The following UHMK1 variants were observed in gnomAD, a reference collection of about 807,000 sequenced individuals.
UHMK1 encodes U2AF homology motif kinase 1.
In UHMK1, 18 loss-of-function variants were observed where a neutral mutation model predicts 44.0. The observed-to-expected ratio is 0.41, with a 90% CI of 0.28 to 0.61. The LOEUF is 0.61. Ranked by LOEUF, UHMK1 falls within the 20% of genes least tolerant of loss-of-function variation. The pLI, the probability that UHMK1 is intolerant of heterozygous loss-of-function variation, is 0.31. For synonymous variants in UHMK1, 231 were observed against 198.5 expected, an observed-to-expected ratio of 1.16 and a Z score of -1.38; for missense variants, 463 against 522.5, an observed-to-expected ratio of 0.89 and a Z score of 1.11.
rs912689232 is a variant in UHMK1 at position 162,526,198 on chromosome 1, T to C, written c.*3648T>C. On this transcript the variant is annotated 3_prime_UTR_variant, in exon 8 of 8. Coordinates refer to ENST00000489294, the MANE Select transcript of UHMK1 (RefSeq NM_175866.5). Reference sequence around the variant, plus strand: ...AGATAACTAACATTTGGGTATCTTTTTGTTTTAGGTCTTATTTTCTGACTG... The same window carrying C: ...AGATAACTAACATTTGGGTATCTTTCTGTTTTAGGTCTTATTTTCTGACTG... 6.6e-6 allele frequency: 1 copy of C among 152,196 alleles called. No homozygotes were observed. The allele number at this position is 152,196 out of a possible 1,614,324, so 9.4% of individuals were successfully genotyped here.
intron 6 of UHMK1, among the ~76,000 whole-genome samples, chr1:162,517,879 A>G (rs1445989582): frequency 6.6e-6 from 1 of 152,152 alleles, no homozygotes; most frequent in Non-Finnish European, 1.5e-5. Context: ...TGTCTAAAAA[A>G]AAAAAGAAAA....
chr1:162,512,479 G>A (rs771930482), intron 4 of UHMK1, 21 bp from the exon 5 acceptor site: 33 of 1,582,020 alleles, frequency 2.1e-5, no homozygotes, highest in Non-Finnish European at 2.7e-5. Flanking sequence ...AAATGATAAG[G>A]CACCTATTTT....
intron 3 of UHMK1, 65 bp downstream of exon 3, chr1:162,501,169 T>C (rs141407293): frequency 6.9e-7 from 1 of 1,454,642 alleles, no homozygotes; most frequent in East Asian, 2.4e-5. Context: ...CAATTTATGA[T>C]GATTTTTTTT....
chr1:162,518,020 TC>T, intron 6 of UHMK1, 81 bp from the exon 7 acceptor site: 1 of 927,770 alleles, frequency 1.1e-6, no homozygotes, highest in Non-Finnish European at 1.7e-6. Context: ...ATTCCTGAAT[TC>T]TTTGATGATT....
Position 162,523,230 on chromosome 1 carries a change from G to A in UHMK1, c.*680G>A. 1 of 152,738 alleles carries A rather than the reference G, an allele frequency of 6.5e-6. No individual in the cohort carries two copies. The highest frequency in any genetic ancestry group is 1.9e-4 in the East Asian group (1 of 5,186). 9.5% of individuals were successfully genotyped at this position (152,738 alleles called of 1,614,324 possible). A position where few individuals can be genotyped will look rare whatever the true frequency, so the allele number is the denominator to read the frequency against. ...CTTGAGTGAATGTGCGAGTATGAAT[G>A]ATTAGAGAAAATTTGAGTCAGTGTA... On this transcript the variant is annotated 3_prime_UTR_variant, in exon 8 of 8. Transcript: ENST00000489294.
chr1:162,521,060 AATCT>A (rs1304793393), intron 7 of UHMK1, among the ~76,000 whole-genome samples: 1 of 152,188 alleles, frequency 6.6e-6, no homozygotes, highest in Non-Finnish European at 1.5e-5. Flanking sequence ...TCACAGATTT[AATCT>A]ATCTAGGCTT....
intron 7 of UHMK1, among the ~76,000 whole-genome samples, chr1:162,519,126 G>A (rs914479274): frequency 8.6e-5 from 13 of 151,404 alleles, no homozygotes; most frequent in African/African-American, 3.2e-4. Context: ...AGACCAGCCC[G>A]GCCAACGTGG....
At position 162,522,670 on chromosome 1, in the gene UHMK1, T is replaced by C; in HGVS notation, c.*120T>C. ...GGTACTTTATACATTTATTTAATCC[T>C]ACTAATGTGCAGCCATTGCCCAAGC... On this transcript the variant is annotated 3_prime_UTR_variant, in exon 8 of 8. Coordinates refer to ENST00000489294, the MANE Select transcript of UHMK1 (RefSeq NM_175866.5). The C allele has an allele frequency of 8.6e-7, 1 of 1,165,876 alleles. No homozygotes were observed. The highest frequency in any genetic ancestry group is 2.8e-5 in the Admixed American group (1 of 35,938). 72.2% of individuals were successfully genotyped at this position (1,165,876 alleles called of 1,614,324 possible).
intron 7 of UHMK1, among the ~76,000 whole-genome samples, chr1:162,519,939 C>A (rs913480217): frequency 1.3e-5 from 2 of 152,156 alleles, no homozygotes; most frequent in Non-Finnish European, 2.9e-5. Flanking sequence ...CACTCTGTTT[C>A]CCAGGCTAGA....
chr1:162,518,551 A>G (rs1343803907), intron 7 of UHMK1, among the ~76,000 whole-genome samples: 1 of 151,906 alleles, frequency 6.6e-6, no homozygotes, highest in African/African-American at 2.4e-5. Flanking sequence ...GCGTGGTGGC[A>G]CATGCCTGTA....
chr1:162,502,628 G>A (rs1385305733), intron 3 of UHMK1, among the ~76,000 whole-genome samples: 3 of 152,168 alleles, frequency 2.0e-5, no homozygotes, highest in East Asian at 3.9e-4. Flanking sequence ...AATTTAGAGG[G>A]GTGATGTGTA....
At position 162,503,803 on chromosome 1, in the gene UHMK1, T is replaced by G; in HGVS notation, c.803T>G (p.Val268Gly). ...IDHIFASKAV[V>G]NAAIPAYHLR... ...CACATATTTGCCAGTAAAGCAGTGGTGAATGCCGCAATTCCAGCCTATCAC... is the reference window on the plus strand; with the variant it reads ...CACATATTTGCCAGTAAAGCAGTGGGGAATGCCGCAATTCCAGCCTATCAC... Residue 268 changes from valine (V) to glycine (G), a missense_variant, in exon 4 of 8, where the codon GTG becomes GGG. By Grantham distance (109) the Val-to-Gly change is moderately radical. This residue lies in a region of UHMK1 where 264 missense variants were observed against 326.3 expected (regional missense o/e 0.81). Transcript: ENST00000489294. 1.2e-6 allele frequency: 2 copies of G among 1,614,150 alleles called. No individual in the cohort carries two copies. The highest frequency in any genetic ancestry group is 8.5e-7 in the Non-Finnish European group (1 of 1,180,016).
At chr1:162,518,292 G>T in intron 7 of UHMK1, 102 bp downstream of exon 7, 2 of 756,874 alleles carry the variant, frequency 2.6e-6, no homozygotes, top group Non-Finnish European at 4.3e-6. Context: ...ATTTTGCTAA[G>T]GATTATGAGT....
intron 1 of UHMK1, among the ~76,000 whole-genome samples, chr1:162,498,858 G>T (rs1651161613): frequency 6.6e-6 from 1 of 152,124 alleles, no homozygotes; most frequent in Non-Finnish European, 1.5e-5. Context: ...CTGTGAAAAG[G>T]TTTCATTTTC....
In UHMK1 at chr1:162,498,025, G is replaced by C. The variant is rs1557937841; in HGVS notation, c.25G>C (p.Gly9Arg). The C allele has an allele frequency of 6.3e-7, 1 of 1,595,686 alleles. No individual in the cohort carries two copies. Residue 9 changes from glycine to arginine, a missense_variant, in exon 1 of 8, where the codon GGC becomes CGC. By Grantham distance (125) the Gly-to-Arg change is moderately radical. Around this residue, in one of 3 missense-constraint regions of UHMK1, gnomAD observed 191 missense variants for 176.0 expected, o/e 1.09. Transcript: ENST00000489294. ...GATGGCGGGATCCGGCTGCGCCTGG[G>C]GCGCGGAGCCGCCGCGTTTTCTGGA... The part of the protein sequence containing the change: MAGSGCAW[G>R]AEPPRFLEAF...
Position 162,518,184 on chromosome 1 carries a change from A to C in UHMK1, c.1107A>C (p.Arg369Ser), listed in dbSNP as rs1367883155. The change falls in exon 7 of 8, where the codon AGA (arginine) becomes AGC (serine). Residue 369 changes from arginine to serine, a missense_variant. Arg to Ser is a moderately radical substitution (Grantham distance 110, BLOSUM62 -1). This residue lies in a region of UHMK1 where 264 missense variants were observed against 326.3 expected (regional missense o/e 0.81). Transcript: ENST00000489294. ...TTGTTCCAAAGGAAAATCCTGGCAG[A>C]GGACAAGTAAGTGAATATTTTCATA... Reference protein sequence around the residue: ...SLLVPKENPGRGQVFVEYANA... With the variant: ...SLLVPKENPGSGQVFVEYANA... 6.2e-7 allele frequency: 1 copy of C among 1,606,394 alleles called. No homozygotes were observed. Among genetic ancestry groups the C allele is most frequent in the Non-Finnish European group, 8.5e-7 (1 of 1,173,254 alleles).
chr1:162,503,932 A>G (rs1022622385), intron 4 of UHMK1, 84 bp downstream of exon 4: 5 of 1,019,392 alleles, frequency 4.9e-6, no homozygotes, highest in African/African-American at 3.3e-5. Flanking sequence ...ACAGATTTAT[A>G]TTATTATTTC....
rs1248709509 is a variant in UHMK1, at chr1:162,500,022, A to G, written c.336A>G (p.Glu112=). ...PNVPSRCLLL[E]LLDVSVSELL... is the part of the protein sequence containing the mutation. ...TGCCATCACGCTGTCTGTTGCTTGA[A>G]CTCCTGGATGTCAGTGTTTCGGAAT... Residue 112 remains glutamate (E), a synonymous_variant, in exon 2 of 8, where the codon GAA becomes GAG. Coordinates refer to ENST00000489294, the MANE Select transcript of UHMK1 (RefSeq NM_175866.5). The G allele has an allele frequency of 1.9e-6, 3 of 1,613,214 alleles. No individual in the cohort carries two copies. Among genetic ancestry groups the G allele is most frequent in the Admixed American group, 1.7e-5 (1 of 59,916 alleles).
Position 162,524,741 on chromosome 1 carries a change from TTTGA to T in UHMK1, c.*2195_*2198del, listed in dbSNP as rs1411354050. Reference sequence around the variant, plus strand: ...CTTGATGCCAATCTTCACAGCATTCTTTGATTGTCATCTTATTGCTGATACATTC... The same window carrying T: ...CTTGATGCCAATCTTCACAGCATTCTTTGTCATCTTATTGCTGATACATTC... On this transcript the variant is annotated 3_prime_UTR_variant, in exon 8 of 8. Transcript: ENST00000489294. 1.3e-5 allele frequency: 2 copies of T among 152,252 alleles called. No individual in the cohort carries two copies. The highest frequency in any genetic ancestry group is 2.9e-5 in the Non-Finnish European group (2 of 68,050). The allele number at this position is 152,252 out of a possible 1,614,324, so 9.4% of individuals were successfully genotyped here. A position where few individuals can be genotyped will look rare whatever the true frequency, so the allele number is the denominator to read the frequency against.
Sources: gnomAD v4.1 joint callset for allele counts (sites outside exome capture counted in the v4.1 genomes callset) on GRCh38, gnomAD v4.1.1 for gene constraint, gnomAD v4.1.1 regional missense constraint, MANE v1.5 for transcripts, NCBI Gene and HGNC (gene_info 2026-07-23, HGNC 2026-07-21) for gene names.